GRIN2B: variants seen among roughly 807,000 people sequenced by gnomAD.
GRIN2B encodes the protein glutamate receptor ionotropic, NMDA 2B.
Under a neutral mutation model 114.5 loss-of-function variants are expected in GRIN2B, and 5 were observed. The observed-to-expected ratio is 0.04, with a 90% confidence interval of 0.02 to 0.09. GRIN2B has a LOEUF of 0.09. Among genes scored for constraint, GRIN2B ranks in the 10% least tolerant of loss-of-function variants. The pLI is 1.00. For synonymous variants in GRIN2B, 787 were observed against 745.1 expected (o/e 1.06, Z -0.92); for missense variants, 1,108 against 1,943.5 (o/e 0.57, Z 8.08).
At chr12:13,834,299 A>C (rs1218416484) in intron 3 of GRIN2B, among the ~76,000 whole-genome samples, 2 of 150,822 alleles carry the variant, frequency 1.3e-5, no homozygotes, top group East Asian at 3.9e-4. Context: ...GGCCTCCCAA[A>C]GTGCTGTGAT....
intron 4 of GRIN2B, among the ~76,000 whole-genome samples, chr12:13,750,829 G>A (rs2284413): frequency 0.29 from 44,719 of 151,934 alleles, 7,213 homozygotes; most frequent in East Asian, 0.59. Flanking sequence ...GCTATGGGAG[G>A]GTCACTACTC....
intron 5 of GRIN2B, among the ~76,000 whole-genome samples, chr12:13,624,310 C>A (rs1330193154): frequency 6.6e-6 from 1 of 152,192 alleles, no homozygotes. Flanking sequence ...ACACCCTCCA[C>A]AAAGCCTCCA....
chr12:13,782,113 G>C (rs1052821765), intron 3 of GRIN2B, among the ~76,000 whole-genome samples: 1 of 152,144 alleles, frequency 6.6e-6, no homozygotes, highest in Non-Finnish European at 1.5e-5. Flanking sequence ...GAGGTTGAAC[G>C]TAAAACGGTG....
intron 5 of GRIN2B, among the ~76,000 whole-genome samples, chr12:13,661,435 T>C (rs1949923021): frequency 6.6e-6 from 1 of 152,200 alleles, no homozygotes; most frequent in Admixed American, 6.5e-5. Flanking sequence ...AGAACTGTAA[T>C]TGCTCCGTGT....
At chr12:13,750,924 T>C (rs1339588346) in intron 4 of GRIN2B, among the ~76,000 whole-genome samples, 1 of 152,130 alleles carries the variant, frequency 6.6e-6, no homozygotes, top group Non-Finnish European at 1.5e-5. Context: ...GTACAAGATG[T>C]AGTGAAGGCA....
intron 4 of GRIN2B, among the ~76,000 whole-genome samples, chr12:13,713,660 C>T (rs1180863227): frequency 6.6e-6 from 1 of 151,098 alleles, no homozygotes; most frequent in Non-Finnish European, 1.5e-5. Flanking sequence ...AACTCAGAAT[C>T]TGGTTGTTAT....
intron 3 of GRIN2B, among the ~76,000 whole-genome samples, chr12:13,814,528 A>G (rs1195847504): frequency 6.6e-6 from 1 of 152,234 alleles, no homozygotes; most frequent in Non-Finnish European, 1.5e-5. Flanking sequence ...GAATAATGAG[A>G]ATTGCCTCCA....
chr12:13,823,196 C>A (rs1411636320), intron 3 of GRIN2B, among the ~76,000 whole-genome samples: 1 of 151,962 alleles, frequency 6.6e-6, no homozygotes, highest in East Asian at 1.9e-4. Context: ...TTTCTACCCC[C>A]ACCCTGAAAA....
rs1948549800 is a variant in GRIN2B, at chr12:13,561,888, G to A, written c.*895C>T. On this transcript the variant is annotated 3_prime_UTR_variant, in exon 14 of 14. Transcript: ENST00000609686. ...TCTCCTTATTCCAGAAGGATGAAGG[G>A]AGACACAGCCAAAATTCAGGTAATA... is the stretch of plus-strand genomic sequence containing the variant. 1 of 152,640 alleles carries A rather than the reference G, an allele frequency of 6.6e-6. No homozygotes were observed. The highest frequency in any genetic ancestry group is 1.5e-5 in the Non-Finnish European group (1 of 68,038). The allele number at this position is 152,640 out of a possible 1,614,324, so 9.5% of individuals were successfully genotyped here. A position where few individuals can be genotyped will look rare whatever the true frequency, so the allele number is the denominator to read the frequency against.
chr12:13,773,054 C>A (rs972535577), intron 3 of GRIN2B, among the ~76,000 whole-genome samples: 3 of 152,092 alleles, frequency 2.0e-5, no homozygotes, highest in African/African-American at 7.2e-5. Flanking sequence ...CTTGAGCAGC[C>A]CCAGACCAAT....
intron 5 of GRIN2B, among the ~76,000 whole-genome samples, chr12:13,669,832 T>A (rs1950007066): frequency 6.6e-6 from 1 of 152,110 alleles, no homozygotes; most frequent in African/African-American, 2.4e-5. Flanking sequence ...CTCTATTGTA[T>A]AAACACTGAT....
chr12:13,625,592 A>C (rs1949557428), intron 5 of GRIN2B, among the ~76,000 whole-genome samples: 1 of 152,172 alleles, frequency 6.6e-6, no homozygotes, highest in South Asian at 2.1e-4. Context: ...GCAGCTCCTT[A>C]ATGTGACTTC....
intron 3 of GRIN2B, among the ~76,000 whole-genome samples, chr12:13,783,082 CTT>C (rs939839858): frequency 6.6e-6 from 1 of 152,142 alleles, no homozygotes; most frequent in Non-Finnish European, 1.5e-5. Context: ...AATTTATACA[CTT>C]AATGTCAAAT....
chr12:13,881,822 A>G (rs1001074099), intron 2 of GRIN2B, among the ~76,000 whole-genome samples: 1 of 151,902 alleles, frequency 6.6e-6, no homozygotes, highest in African/African-American at 2.4e-5. Flanking sequence ...TTCCTCTAAA[A>G]CCTGACATCT....
chr12:13,846,940 A>C (rs1865482492), intron 3 of GRIN2B, among the ~76,000 whole-genome samples: 1 of 152,090 alleles, frequency 6.6e-6, no homozygotes, highest in Non-Finnish European at 1.5e-5. Context: ...GCGAGAGAGA[A>C]AGAGAAAGGA....
Position 13,611,858 on chromosome 12 carries a change from A to AG in GRIN2B, c.1655-9dup. ...CGTCAGCGCTGAATGGCTCTGAGGAAGGGAAAAAAGCAGTGCTCAGGGTTA... is the reference window on the plus strand; with the variant it reads ...CGTCAGCGCTGAATGGCTCTGAGGAAGGGGAAAAAAGCAGTGCTCAGGGTTA... On this transcript the variant is annotated splice_polypyrimidine_tract_variant and intron_variant, in intron 8 of 13. Coordinates refer to ENST00000609686, the MANE Select transcript of GRIN2B (RefSeq NM_000834.5). 1.2e-6 allele frequency: 2 copies of AG among 1,613,288 alleles called. No homozygotes were observed. The highest frequency in any genetic ancestry group is 1.3e-5 in the African/African-American group (1 of 75,038).
chr12:13,794,461 T>C (rs910244803), intron 3 of GRIN2B, among the ~76,000 whole-genome samples: 2 of 152,142 alleles, frequency 1.3e-5, no homozygotes, highest in Admixed American at 6.5e-5. Flanking sequence ...GAACACACTA[T>C]CATGCCTCAG....
At chr12:13,638,933 CCT>C (rs1208578218) in intron 5 of GRIN2B, among the ~76,000 whole-genome samples, 2 of 151,898 alleles carry the variant, frequency 1.3e-5, no homozygotes, top group African/African-American at 4.8e-5. Context: ...AAGATGAGCC[CCT>C]CTTTGCACGT....
At position 13,925,109 on chromosome 12, in the gene GRIN2B, T is replaced by G. The variant is rs187029573; in HGVS notation, c.-19+54819A>C. ...GCACACCTGAAACGAAAACCTACAC[T>G]AAGAGGACAATGAAAAACAATGGCT... On this transcript the variant is annotated intron_variant, in intron 2 of 13. Coordinates refer to ENST00000609686, the MANE Select transcript of GRIN2B (RefSeq NM_000834.5). Among the ~76,000 whole-genome samples the G allele has an allele frequency of 2.2e-3, 329 of 152,246 alleles. 1 individual carries two copies. Among genetic ancestry groups the G allele is most frequent in the Non-Finnish European group, 1.9e-3 (129 of 68,010 alleles).
Sources: gnomAD v4.1 joint callset for allele counts (sites outside exome capture counted in the v4.1 genomes callset) on GRCh38, gnomAD v4.1.1 for gene constraint, MANE v1.5 for transcripts, NCBI Gene and HGNC (gene_info 2026-07-23, HGNC 2026-07-21) for gene names.